NRXN1: variants seen among roughly 807,000 people sequenced by gnomAD.
NRXN1 encodes neurexin-1.
Under a neutral mutation model 150.9 loss-of-function variants are expected in NRXN1, and 39 were observed. The observed-to-expected ratio is 0.26, with a 90% CI of 0.20 to 0.34. The LOEUF (loss-of-function observed/expected upper bound fraction) is 0.34, where lower values mean the gene tolerates loss of function less well. Among genes scored for constraint, NRXN1 ranks in the 10% least tolerant of loss-of-function variants. The pLI is 1.00. For synonymous variants in NRXN1, 924 were observed against 757.0 expected, an observed-to-expected ratio of 1.22 and a Z score of -3.62; for missense variants, 1,815 against 1,949.9, an observed-to-expected ratio of 0.93 and a Z score of 1.30.
At chr2:50,244,075 T>C (rs1314927426) in intron 17 of NRXN1, among the ~76,000 whole-genome samples, 1 of 151,916 alleles carries the variant, frequency 6.6e-6, no homozygotes, top group Non-Finnish European at 1.5e-5. Context: ...TAATAAATGT[T>C]CTACATTTTC....
At chr2:50,958,968 T>C (rs1198114114) in intron 2 of NRXN1, among the ~76,000 whole-genome samples, 1 of 152,166 alleles carries the variant, frequency 6.6e-6, no homozygotes, top group African/African-American at 2.4e-5. Context: ...GTATCATTTT[T>C]AGATTTTGTC....
At chr2:50,118,960 C>T (rs1158096311) in intron 18 of NRXN1, among the ~76,000 whole-genome samples, 1 of 151,296 alleles carries the variant, frequency 6.6e-6, no homozygotes, top group Non-Finnish European at 1.5e-5. Flanking sequence ...AGGCACAATA[C>T]CTGTGTGTTA....
chr2:50,887,840 T>G (rs1308143140), intron 5 of NRXN1, among the ~76,000 whole-genome samples: 1 of 151,440 alleles, frequency 6.6e-6, no homozygotes, highest in Non-Finnish European at 1.5e-5. Context: ...GCTTTTTACT[T>G]TAACCTCAAA....
intron 8 of NRXN1, among the ~76,000 whole-genome samples, chr2:50,560,717 T>C (rs772299533): frequency 1.3e-5 from 2 of 152,100 alleles, no homozygotes; most frequent in Non-Finnish European, 2.9e-5. Flanking sequence ...TAAAAACAAT[T>C]CTTACCAGTA....
intron 5 of NRXN1, among the ~76,000 whole-genome samples, chr2:50,873,486 T>C (rs1472039061): frequency 6.6e-6 from 1 of 151,832 alleles, no homozygotes. Context: ...AAGCTGATTA[T>C]AATTGAGCTC....
chr2:50,057,891 CA>C (rs1558786107), intron 19 of NRXN1, among the ~76,000 whole-genome samples: 1 of 152,060 alleles, frequency 6.6e-6, no homozygotes, highest in South Asian at 2.1e-4. Context: ...AACATCTCTA[CA>C]ATCAGTTCAT....
intron 17 of NRXN1, among the ~76,000 whole-genome samples, chr2:50,392,871 C>A (rs2081819739): frequency 6.6e-6 from 1 of 152,044 alleles, no homozygotes; most frequent in Admixed American, 6.6e-5. Context: ...GCAGTTCTAG[C>A]TACCAGGGAG....
intron 2 of NRXN1, among the ~76,000 whole-genome samples, chr2:50,953,665 C>T (rs994371091): frequency 7.9e-5 from 12 of 151,376 alleles, no homozygotes; most frequent in South Asian, 2.1e-4. Flanking sequence ...CAGGTTCAAG[C>T]GATTCTCCTG....
At chr2:50,263,006 A>T (rs2068454220) in intron 17 of NRXN1, among the ~76,000 whole-genome samples, 1 of 151,980 alleles carries the variant, frequency 6.6e-6, no homozygotes, top group Non-Finnish European at 1.5e-5. Context: ...CTTTCACATC[A>T]TGGAATAGAA....
At chr2:50,497,037 C>T (rs1350740469) in intron 14 of NRXN1, among the ~76,000 whole-genome samples, 1 of 152,108 alleles carries the variant, frequency 6.6e-6, no homozygotes, top group African/African-American at 2.4e-5. Flanking sequence ...TTACATTGTG[C>T]ATAGTCAGGA....
At chr2:50,344,998 G>C (rs1450282879) in intron 17 of NRXN1, among the ~76,000 whole-genome samples, 1 of 152,194 alleles carries the variant, frequency 6.6e-6, no homozygotes, top group Non-Finnish European at 1.5e-5. Context: ...CAGTGGTTGA[G>C]AACTGCACCC....
At chr2:50,590,822 T>C (rs1674056246) in intron 8 of NRXN1, among the ~76,000 whole-genome samples, 2 of 152,076 alleles carry the variant, frequency 1.3e-5, no homozygotes, top group Admixed American at 6.6e-5. Context: ...GAGAAACCAA[T>C]ATTTGTTGTT....
At chr2:50,148,991 G>A (rs2058535980) in intron 18 of NRXN1, among the ~76,000 whole-genome samples, 1 of 151,660 alleles carries the variant, frequency 6.6e-6, no homozygotes, top group South Asian at 2.1e-4. Context: ...AAGTCTATTT[G>A]CCAGGTTCAT....
intron 5 of NRXN1, among the ~76,000 whole-genome samples, chr2:50,869,743 T>C (rs2106089533): frequency 6.6e-6 from 1 of 152,010 alleles, no homozygotes; most frequent in African/African-American, 2.4e-5. Flanking sequence ...TTAAGCCAAG[T>C]ACAACACATT....
At chr2:50,271,091 A>G (rs934490565) in intron 17 of NRXN1, among the ~76,000 whole-genome samples, 5 of 152,336 alleles carry the variant, frequency 3.3e-5, no homozygotes, top group South Asian at 4.1e-4. Flanking sequence ...AATACTAAAA[A>G]GTGTTACTCA....
At chr2:51,016,430 A>G (rs1403670077) in intron 2 of NRXN1, among the ~76,000 whole-genome samples, 2 of 152,174 alleles carry the variant, frequency 1.3e-5, no homozygotes, top group Admixed American at 6.5e-5. Flanking sequence ...AACCCCATCA[A>G]GAAGTGAGTG....
At chr2:50,016,201 C>G (rs147020506) in intron 21 of NRXN1, among the ~76,000 whole-genome samples, 33 of 152,154 alleles carry the variant, frequency 2.2e-4, no homozygotes, top group African/African-American at 7.2e-4. Context: ...AGTCCAGACA[C>G]CAGTTACAGG....
intron 17 of NRXN1, among the ~76,000 whole-genome samples, chr2:50,398,636 T>G (rs1288298791): frequency 6.6e-6 from 1 of 152,146 alleles, no homozygotes; most frequent in Non-Finnish European, 1.5e-5. Flanking sequence ...ATTTTCCCTG[T>G]GTAGAGAAGT....
At chr2:49,998,251 G>C (rs1683315828) in intron 21 of NRXN1, among the ~76,000 whole-genome samples, 3 of 152,116 alleles carry the variant, frequency 2.0e-5, no homozygotes, top group Admixed American at 6.5e-5. Context: ...CAATTTCAGA[G>C]AACTATAAAT....
Sources: gnomAD v4.1 joint callset for allele counts (sites outside exome capture counted in the v4.1 genomes callset) on GRCh38, gnomAD v4.1.1 for gene constraint, MANE v1.5 for transcripts, NCBI Gene and HGNC (gene_info 2026-07-23, HGNC 2026-07-21) for gene names.